Variants in CTNNA3 observed in about 807,000 individuals in gnomAD.
The protein encoded by CTNNA3 is catenin alpha-3.
CTNNA3 carries 76 observed loss-of-function variants against 95.7 expected under a neutral mutation model. That is an observed-to-expected ratio of 0.79 (90% CI 0.66 to 0.96). CTNNA3 has a LOEUF of 0.96. Ranked by LOEUF, CTNNA3 falls within the 40% of genes least tolerant of loss-of-function variation. The pLI is 0.00. For synonymous variants in CTNNA3, 431 were observed against 374.4 expected (o/e 1.15, Z -1.74); for missense variants, 1,191 against 1,089.8 (o/e 1.09, Z -1.31).
intron 13 of CTNNA3, among the ~76,000 whole-genome samples, chr10:66,194,157 G>T (rs960960812): frequency 6.6e-6 from 1 of 152,084 alleles, no homozygotes; most frequent in African/African-American, 2.4e-5. Context: ...TGAATGACCT[G>T]GGAGACACTT....
Position 66,712,606 on chromosome 10 carries a change from T to TCACACACACACACACACACACACACA in CTNNA3, c.1281+53657_1281+53658insTGTGTGTGTGTGTGTGTGTGTGTGTG, listed in dbSNP as rs879288075. On this transcript the variant is annotated intron_variant, in intron 9 of 17. Transcript: ENST00000433211. ...CACTCTCTCTCCCTCTCTCTCTCTC[T>TCACACACACACACACACACACACACA]CTCACACACACAGCAAGAGACATTT... 2.1e-3 allele frequency among the ~76,000 whole-genome samples: 318 copies of TCACACACACACACACACACACACACA among 149,368 alleles called. 1 individual carries two copies. The East Asian group carries it at 0.037, about 18-fold the overall frequency.
chr10:66,673,931 T>C (rs547018806), intron 9 of CTNNA3, among the ~76,000 whole-genome samples: 1 of 152,160 alleles, frequency 6.6e-6, no homozygotes, highest in East Asian at 1.9e-4. Context: ...TATAGGTTTT[T>C]CTTTTTATTA....
At chr10:67,104,995 C>T (rs749197708) in intron 7 of CTNNA3, among the ~76,000 whole-genome samples, 1 of 152,066 alleles carries the variant, frequency 6.6e-6, no homozygotes, top group Non-Finnish European at 1.5e-5. Flanking sequence ...AACAAAGATG[C>T]TCCTGGTATC....
At chr10:67,244,985 A>G (rs1865855667) in intron 5 of CTNNA3, among the ~76,000 whole-genome samples, 1 of 152,124 alleles carries the variant, frequency 6.6e-6, no homozygotes, top group Non-Finnish European at 1.5e-5. Context: ...TCTGTCAGAA[A>G]ATCCCATCAG....
rs187868415 is a variant in CTNNA3 at position 67,079,678 on chromosome 10, T to A, written c.1047+100639A>T. Among the ~76,000 whole-genome samples, 162 of 151,894 alleles carry A rather than the reference T, an allele frequency of 1.1e-3. 2 individuals carry two copies. The East Asian group carries it at 0.021, about 20-fold the overall frequency. Reference sequence around the variant, plus strand: ...GCCTGGCCAATATAGTGAAACCCCATCTCTACTAAAAATGCAAAAACTAGC... The same window carrying A: ...GCCTGGCCAATATAGTGAAACCCCAACTCTACTAAAAATGCAAAAACTAGC... On this transcript the variant is annotated intron_variant, in intron 7 of 17. Coordinates refer to ENST00000433211, the MANE Select transcript of CTNNA3 (RefSeq NM_013266.4).
chr10:67,162,409 T>TA (rs35846803), intron 7 of CTNNA3, among the ~76,000 whole-genome samples: 10 of 151,294 alleles, frequency 6.6e-5, no homozygotes, highest in South Asian at 2.1e-4. Flanking sequence ...TCAATATATG[T>TA]AAAAAAAAAT....
At chr10:65,945,008 T>G (rs1348966328) in intron 17 of CTNNA3, among the ~76,000 whole-genome samples, 1 of 152,126 alleles carries the variant, frequency 6.6e-6, no homozygotes, top group Admixed American at 6.6e-5. Context: ...AGAGATTGAT[T>G]TAGCAAGTTA....
intron 11 of CTNNA3, among the ~76,000 whole-genome samples, chr10:66,477,528 T>C (rs1363995777): frequency 6.6e-6 from 1 of 152,078 alleles, no homozygotes; most frequent in Admixed American, 6.6e-5. Flanking sequence ...TACGACCCAC[T>C]CTGAAAATTC....
chr10:67,306,342 CT>C (rs1389672552), intron 5 of CTNNA3, among the ~76,000 whole-genome samples: 2 of 152,134 alleles, frequency 1.3e-5, no homozygotes, highest in African/African-American at 4.8e-5. Flanking sequence ...CACAAAATGT[CT>C]TTTAAATAAT....
chr10:66,604,272 A>G (rs185974752), intron 10 of CTNNA3, among the ~76,000 whole-genome samples: 27 of 152,274 alleles, frequency 1.8e-4, no homozygotes, highest in Non-Finnish European at 2.4e-4. Context: ...AAAAAATCCA[A>G]TTAAAAAATG....
At chr10:67,305,429 G>C (rs1456755844) in intron 5 of CTNNA3, among the ~76,000 whole-genome samples, 3 of 150,626 alleles carry the variant, frequency 2.0e-5, no homozygotes, top group Non-Finnish European at 4.4e-5. Flanking sequence ...AGTAAAAAGT[G>C]AAAAGTGAAG....
chr10:66,265,568 G>A (rs1025378596), intron 13 of CTNNA3, among the ~76,000 whole-genome samples: 4 of 151,986 alleles, frequency 2.6e-5, no homozygotes, highest in African/African-American at 9.7e-5. Context: ...CCTCCATTCA[G>A]TAACTTTTAG....
upstream of CTNNA3, among the ~76,000 whole-genome samples, chr10:67,697,470 T>C (rs1840988399): frequency 6.6e-6 from 1 of 152,214 alleles, no homozygotes; most frequent in African/African-American, 2.4e-5. Flanking sequence ...CCAAATTCTA[T>C]CATAAGCCTA....
At chr10:67,177,779 A>T (rs148862773) in intron 7 of CTNNA3, among the ~76,000 whole-genome samples, 142 of 152,252 alleles carry the variant, frequency 9.3e-4, no homozygotes, top group African/African-American at 3.1e-3. Flanking sequence ...ACAATAATAC[A>T]CTCCACAGTT....
At chr10:66,742,585 AC>A (rs562651910) in intron 9 of CTNNA3, among the ~76,000 whole-genome samples, 41 of 152,202 alleles carry the variant, frequency 2.7e-4, no homozygotes, top group African/African-American at 9.4e-4. Context: ...GCATCACAGA[AC>A]CTGCCGACAG....
intron 13 of CTNNA3, among the ~76,000 whole-genome samples, chr10:66,113,082 C>A (rs2082179748): frequency 6.6e-6 from 1 of 152,136 alleles, no homozygotes. Flanking sequence ...TCTACATTCC[C>A]ACCAACAGAG....
At chr10:66,584,934 A>G (rs1199119051) in intron 10 of CTNNA3, among the ~76,000 whole-genome samples, 1 of 152,010 alleles carries the variant, frequency 6.6e-6, no homozygotes, top group African/African-American at 2.4e-5. Flanking sequence ...TTTCTCCTTT[A>G]TCTATGAAAG....
At chr10:66,779,126 C>A (rs1840428843) in intron 7 of CTNNA3, among the ~76,000 whole-genome samples, 1 of 152,116 alleles carries the variant, frequency 6.6e-6, no homozygotes, top group South Asian at 2.1e-4. Flanking sequence ...CACTGTATCC[C>A]TACTGATGAA....
intron 13 of CTNNA3, among the ~76,000 whole-genome samples, chr10:66,259,486 CA>C (rs1589877012): frequency 6.6e-6 from 1 of 152,126 alleles, no homozygotes; most frequent in Non-Finnish European, 1.5e-5. Flanking sequence ...GACTATCAAG[CA>C]GGCCATCCAG....
Sources: allele counts gnomAD v4.1 joint callset (sites outside exome capture counted in the v4.1 genomes callset), GRCh38; gene constraint gnomAD v4.1.1; transcripts MANE v1.5; gene names NCBI Gene and HGNC (gene_info 2026-07-23, HGNC 2026-07-21).